The following FRMD5 variants were observed in gnomAD, a reference collection of about 807,000 sequenced individuals.
FRMD5 encodes the protein FERM domain-containing protein 5.
FRMD5 carries 20 observed loss-of-function variants against 69.0 expected under a neutral mutation model. The observed-to-expected ratio is 0.29, with a 90% CI of 0.20 to 0.42. The LOEUF is 0.42. Among genes scored for constraint, FRMD5 ranks in the 10% least tolerant of loss-of-function variants. The pLI is 1.00. For synonymous variants in FRMD5, 271 were observed against 260.1 expected (o/e 1.04, Z -0.40); for missense variants, 595 against 708.6 (o/e 0.84, Z 1.82).
chr15:44,186,623 T>C (rs1163811183), intron 1 of FRMD5, among the ~76,000 whole-genome samples: 2 of 152,256 alleles, frequency 1.3e-5, no homozygotes, highest in African/African-American at 4.8e-5. Context: ...TGTGGGCCTT[T>C]GCTAATTTTT....
intron 1 of FRMD5, chr15:44,063,881 C>T: frequency 3.7e-6 from 1 of 271,674 alleles, no homozygotes; most frequent in South Asian, 4.0e-5. Context: ...ATCTCTGCCC[C>T]CTCTGTCGAC....
At chr15:44,157,250 A>C (rs2077543024) in intron 1 of FRMD5, among the ~76,000 whole-genome samples, 1 of 152,230 alleles carries the variant, frequency 6.6e-6, no homozygotes, top group Non-Finnish European at 1.5e-5. Context: ...ACTTTATGTC[A>C]ATGAACACTT....
intron 1 of FRMD5, among the ~76,000 whole-genome samples, chr15:43,997,551 G>A (rs1889991486): frequency 6.6e-6 from 1 of 152,158 alleles, no homozygotes; most frequent in Admixed American, 6.5e-5. Context: ...TGTCTCCATA[G>A]GAGAAACTGT....
In FRMD5 at chr15:43,919,494, A is replaced by C. The variant is rs144455804; in HGVS notation, c.294T>G (p.Pro98=). The change falls in exon 4 of 14, where the codon CCT becomes CCG. Residue 98 remains proline (P), a synonymous_variant. Transcript: ENST00000417257. The part of the protein sequence containing the change: ...FTMCFRVKFY[P]ADPAALKEEI... Reference sequence around the variant, plus strand: ...CTTCTTTCAGAGCAGCAGGGTCTGCAGGATAAAACTTCACACGGAAGCACA... The same window carrying C: ...CTTCTTTCAGAGCAGCAGGGTCTGCCGGATAAAACTTCACACGGAAGCACA... The C allele has an allele frequency of 6.8e-4, 1,099 of 1,614,066 alleles. No homozygotes were observed. The highest frequency in any genetic ancestry group is 8.4e-4 in the Non-Finnish European group (991 of 1,180,012).
At chr15:44,102,060 G>A (rs1443602199) in intron 1 of FRMD5, among the ~76,000 whole-genome samples, 1 of 152,156 alleles carries the variant, frequency 6.6e-6, no homozygotes, top group Non-Finnish European at 1.5e-5. Context: ...AGTCCACTTG[G>A]CACCATTATC....
intron 1 of FRMD5, among the ~76,000 whole-genome samples, chr15:43,947,374 C>T (rs1382376174): frequency 3.9e-5 from 6 of 152,180 alleles, no homozygotes; most frequent in African/African-American, 1.2e-4. Context: ...AAAGCTATCA[C>T]CTCTCAATTT....
At chr15:44,054,021 C>T (rs1447031298) in intron 1 of FRMD5, among the ~76,000 whole-genome samples, 1 of 152,148 alleles carries the variant, frequency 6.6e-6, no homozygotes, top group Non-Finnish European at 1.5e-5. Flanking sequence ...ACTGTAAGCA[C>T]CCAACCTTTA....
At chr15:44,132,886 C>T (rs2077123786) in intron 1 of FRMD5, among the ~76,000 whole-genome samples, 1 of 151,900 alleles carries the variant, frequency 6.6e-6, no homozygotes, top group African/African-American at 2.4e-5. Context: ...GCCTTGCCTC[C>T]CGAGTAGCTG....
intron 1 of FRMD5, among the ~76,000 whole-genome samples, chr15:43,955,988 T>C (rs1377839834): frequency 6.6e-6 from 1 of 152,186 alleles, no homozygotes; most frequent in Non-Finnish European, 1.5e-5. Context: ...GGACCACTTA[T>C]AAAATCACTC....
chr15:43,949,702 C>G (rs2089997367), intron 1 of FRMD5, among the ~76,000 whole-genome samples: 1 of 152,288 alleles, frequency 6.6e-6, no homozygotes, highest in East Asian at 1.9e-4. Context: ...CAGTGTCTTA[C>G]AGGTGAAGCA....
At chr15:43,989,520 C>T in intron 1 of FRMD5, 1 of 899,166 alleles carries the variant, frequency 1.1e-6, no homozygotes, top group Non-Finnish European at 1.9e-6. Flanking sequence ...TGCTCGAAGT[C>T]CAGGGTGACA....
At chr15:44,081,792 T>C (rs1400405007) in intron 1 of FRMD5, among the ~76,000 whole-genome samples, 2 of 152,026 alleles carry the variant, frequency 1.3e-5, no homozygotes, top group African/African-American at 2.4e-5. Flanking sequence ...TTGTGGCTAA[T>C]GTAAATTGCG....
intron 1 of FRMD5, among the ~76,000 whole-genome samples, chr15:43,999,959 T>TATATATATATATATGCCATGC (rs1890122756): frequency 1.3e-5 from 1 of 75,852 alleles, no homozygotes; most frequent in African/African-American, 8.5e-5. Flanking sequence ...CATGCATATA[T>TATATATATATATATGCCATGC]ATATATATAT....
At chr15:43,918,031 T>C (rs1369761206) in intron 4 of FRMD5, among the ~76,000 whole-genome samples, 1 of 152,246 alleles carries the variant, frequency 6.6e-6, no homozygotes, top group Non-Finnish European at 1.5e-5. Context: ...TTTGTACTGA[T>C]AATGCCTGCT....
At chr15:44,011,970 A>G (rs1208867988) in intron 1 of FRMD5, among the ~76,000 whole-genome samples, 1 of 152,146 alleles carries the variant, frequency 6.6e-6, no homozygotes, top group East Asian at 1.9e-4. Flanking sequence ...TAAAGAGGGA[A>G]CAAATGGGCT....
intron 1 of FRMD5, among the ~76,000 whole-genome samples, chr15:44,071,997 C>G (rs939355736): frequency 4.6e-5 from 7 of 152,060 alleles, no homozygotes; most frequent in African/African-American, 1.7e-4. Context: ...TCTTGAATAG[C>G]TGGGATTACA....
intron 13 of FRMD5, among the ~76,000 whole-genome samples, chr15:43,881,132 T>C (rs1180352979): frequency 6.6e-6 from 1 of 152,194 alleles, no homozygotes; most frequent in African/African-American, 2.4e-5. Flanking sequence ...TGCACAAGGC[T>C]CCTCTCCTGT....
chr15:44,106,475 C>CTT (rs2076720310), intron 1 of FRMD5, among the ~76,000 whole-genome samples: 2 of 152,124 alleles, frequency 1.3e-5, no homozygotes, highest in African/African-American at 4.8e-5. Flanking sequence ...GCTTCCCTGT[C>CTT]TTTGCTCCTG....
intron 1 of FRMD5, among the ~76,000 whole-genome samples, chr15:44,119,963 A>G (rs1405101716): frequency 6.6e-6 from 1 of 152,198 alleles, no homozygotes; most frequent in Non-Finnish European, 1.5e-5. Context: ...AAGACAGAAT[A>G]TATTTCAAGG....
Sources: gnomAD v4.1 joint callset for allele counts (sites outside exome capture counted in the v4.1 genomes callset) on GRCh38, gnomAD v4.1.1 for gene constraint, MANE v1.5 for transcripts, NCBI Gene and HGNC (gene_info 2026-07-23, HGNC 2026-07-21) for gene names.